SLC24A2: variants seen among roughly 807,000 people sequenced by gnomAD.
SLC24A2 encodes solute carrier family 24 member 2, also known as sodium/potassium/calcium exchanger 2.
SLC24A2 carries 36 observed loss-of-function variants against 62.0 expected under a neutral mutation model. The observed-to-expected ratio is 0.58, with a 90% CI of 0.44 to 0.77. The LOEUF is 0.77. SLC24A2 is among the 30% of genes least tolerant of loss of function. The pLI, the probability that SLC24A2 is intolerant of heterozygous loss-of-function variation, is 0.00. For missense variants in SLC24A2, 846 were observed against 817.9 expected, an observed-to-expected ratio of 1.03 and a Z score of -0.42; for synonymous variants, 358 against 294.0, an observed-to-expected ratio of 1.22 and a Z score of -2.23.
At chr9:19,915,124 T>A in the SLC24A2 span, among the ~76,000 whole-genome samples, 1 of 152,150 alleles carries the variant, frequency 6.6e-6, no homozygotes, top group African/African-American at 2.4e-5. Flanking sequence ...CCTTGGCAAC[T>A]ACTTTTGTCA....
At chr9:19,884,126 C>A in the SLC24A2 span, among the ~76,000 whole-genome samples, 2 of 152,182 alleles carry the variant, frequency 1.3e-5, no homozygotes, top group African/African-American at 4.8e-5. Context: ...CACTAATTAT[C>A]CCTCACAACA....
At chr9:20,119,063 C>T in the SLC24A2 span, among the ~76,000 whole-genome samples, 1 of 152,148 alleles carries the variant, frequency 6.6e-6, no homozygotes, top group African/African-American at 2.4e-5. Flanking sequence ...GAAATGAACG[C>T]AGCCTTCAAG....
At chr9:20,103,423 G>A in the SLC24A2 span, among the ~76,000 whole-genome samples, 145 of 152,298 alleles carry the variant, frequency 9.5e-4, no homozygotes, top group African/African-American at 3.0e-3. Context: ...CCTGACCCCC[G>A]AGCAGCCTAA....
the SLC24A2 span, among the ~76,000 whole-genome samples, chr9:20,125,656 G>A: frequency 6.6e-6 from 1 of 152,146 alleles, no homozygotes; most frequent in African/African-American, 2.4e-5. Flanking sequence ...ATGAGTTGCA[G>A]TCCTTGTGGC....
chr9:20,208,418 T>A, the SLC24A2 span, among the ~76,000 whole-genome samples: 6 of 152,286 alleles, frequency 3.9e-5, no homozygotes, highest in Admixed American at 1.3e-4. Context: ...TGCAGAACCA[T>A]GATTCCGGGT....
upstream of SLC24A2, chr9:19,789,057 G>T: frequency 1.5e-6 from 1 of 648,198 alleles, no homozygotes; most frequent in Non-Finnish European, 1.9e-6. Context: ...TGAGCCCGGC[G>T]CTCCGAGTCT....
At chr9:19,544,513 T>C (rs770510553) in intron 8 of SLC24A2, among the ~76,000 whole-genome samples, 32 of 152,180 alleles carry the variant, frequency 2.1e-4, no homozygotes, top group Non-Finnish European at 4.1e-4. Flanking sequence ...TGATGTTGTT[T>C]CTTTATAGTG....
the SLC24A2 span, among the ~76,000 whole-genome samples, chr9:20,212,814 A>G: frequency 3.3e-5 from 5 of 151,792 alleles, no homozygotes; most frequent in Non-Finnish European, 7.3e-5. Flanking sequence ...ATTTATAAAA[A>G]TATATATGTA....
At chr9:19,906,487 C>T in the SLC24A2 span, among the ~76,000 whole-genome samples, 8 of 151,820 alleles carry the variant, frequency 5.3e-5, no homozygotes, top group East Asian at 1.5e-3. Context: ...CAGAGCAGAA[C>T]TGAAGGAAAT....
chr9:19,883,436 T>A, the SLC24A2 span, among the ~76,000 whole-genome samples: 1 of 152,186 alleles, frequency 6.6e-6, no homozygotes, highest in African/African-American at 2.4e-5. Flanking sequence ...ACTGTAGCAT[T>A]TTGTAGGGCA....
Position 19,786,127 on chromosome 9 carries a change from AC to A in SLC24A2, c.739del (p.Val247LeufsTer3). Reference protein sequence around the residue: ...PLFRDVSFYIVDLIMLIIFFL... With the variant: ...PLFRDVSFYIXDLIMLIIFFL... ...AAATATGATCAGCATGATCAAGTCA[AC>A]AATGTAGAAAGACACATCTCGAAAG... is the stretch of plus-strand genomic sequence containing the variant. On this transcript the variant is annotated frameshift_variant, in exon 2 of 11. Transcript: ENST00000341998. LOFTEE classifies it high-confidence loss of function. This position sits in a 1 kb window ranked among gnomAD's most constrained non-coding sequence, Gnocchi z 5.0. The A allele has an allele frequency of 6.2e-7, 1 of 1,614,248 alleles. No individual in the cohort carries two copies. The highest frequency in any genetic ancestry group is 8.5e-7 in the Non-Finnish European group (1 of 1,180,032).
the SLC24A2 span, among the ~76,000 whole-genome samples, chr9:20,172,542 A>G: frequency 1.3e-5 from 2 of 152,220 alleles, no homozygotes; most frequent in African/African-American, 4.8e-5. Context: ...ACAGAAATAC[A>G]AAAGATCATT....
chr9:20,273,606 A>G, the SLC24A2 span, among the ~76,000 whole-genome samples: 5 of 152,174 alleles, frequency 3.3e-5, no homozygotes, highest in Admixed American at 3.3e-4. Context: ...TGCCATCCAC[A>G]TAAGACGTGA....
intron 4 of SLC24A2, among the ~76,000 whole-genome samples, chr9:19,609,770 T>C (rs1452189392): frequency 6.6e-6 from 1 of 152,324 alleles, no homozygotes; most frequent in Middle Eastern, 3.4e-3. Flanking sequence ...AAGACAATTT[T>C]TCCATGGGTG....
At chr9:20,161,582 A>G in the SLC24A2 span, among the ~76,000 whole-genome samples, 1 of 151,472 alleles carries the variant, frequency 6.6e-6, no homozygotes, top group Non-Finnish European at 1.5e-5. Context: ...GAGAAACTAT[A>G]TTAATATAAT....
chr9:20,251,219 C>T, the SLC24A2 span, among the ~76,000 whole-genome samples: 1 of 152,224 alleles, frequency 6.6e-6, no homozygotes, highest in South Asian at 2.1e-4. Flanking sequence ...CTACTTTCTC[C>T]TCCCAAGCCT....
chr9:20,289,207 A>T, the SLC24A2 span, among the ~76,000 whole-genome samples: 1 of 152,234 alleles, frequency 6.6e-6, no homozygotes, highest in Non-Finnish European at 1.5e-5. Flanking sequence ...CTGAAACAGC[A>T]TGCAAATGCT....
chr9:19,745,162 C>A (rs1424745090), intron 2 of SLC24A2, among the ~76,000 whole-genome samples: 2 of 152,102 alleles, frequency 1.3e-5, no homozygotes, highest in Non-Finnish European at 2.9e-5. Context: ...TGCTCCACCC[C>A]TCTTGCTCTG....
chr9:19,984,308 T>C, the SLC24A2 span, among the ~76,000 whole-genome samples: 4 of 152,002 alleles, frequency 2.6e-5, no homozygotes, highest in Admixed American at 1.3e-4. Context: ...AAGAAGAATA[T>C]TGGAGGACTC....
Sources: gnomAD v4.1 joint callset for allele counts (sites outside exome capture counted in the v4.1 genomes callset) on GRCh38, gnomAD v4.1.1 for gene constraint, Gnocchi (gnomAD v3.1) non-coding constraint, MANE v1.5 for transcripts, NCBI Gene and HGNC (gene_info 2026-07-23, HGNC 2026-07-21) for gene names.